The following XPR1 variants were observed in gnomAD, a reference collection of about 807,000 sequenced individuals.
XPR1 encodes the protein solute carrier family 53 member 1.
XPR1 carries 28 observed loss-of-function variants against 87.5 expected under a neutral mutation model. The observed-to-expected ratio is 0.32, with a 90% CI of 0.24 to 0.44. The LOEUF is 0.44. XPR1 is among the 20% of genes least tolerant of loss of function. XPR1 has a pLI of 1.00. For missense variants in XPR1, 559 were observed against 862.3 expected (o/e 0.65, Z 4.41); for synonymous variants, 300 against 306.1 (o/e 0.98, Z 0.21).
At chr1:180,799,570 G>A (rs1216753867) in intron 3 of XPR1, among the ~76,000 whole-genome samples, 3 of 152,202 alleles carry the variant, frequency 2.0e-5, no homozygotes, top group Admixed American at 6.5e-5. Context: ...AGTGGATAAA[G>A]CATTTCAGGA....
intron 1 of XPR1, among the ~76,000 whole-genome samples, chr1:180,638,668 A>C (rs1654864423): frequency 6.6e-6 from 1 of 152,084 alleles, no homozygotes; most frequent in South Asian, 2.1e-4. Flanking sequence ...ACCAAAACAC[A>C]CACACCCCAA....
intron 1 of XPR1, among the ~76,000 whole-genome samples, chr1:180,674,408 GC>G (rs1656294089): frequency 6.6e-6 from 1 of 151,768 alleles, no homozygotes; most frequent in African/African-American, 2.4e-5. Flanking sequence ...ACAGGCGCCT[GC>G]CCCCACGCCT....
At chr1:180,848,573 CTT>C (rs1372063045) in intron 11 of XPR1, among the ~76,000 whole-genome samples, 2 of 152,062 alleles carry the variant, frequency 1.3e-5, no homozygotes, top group African/African-American at 2.4e-5. Flanking sequence ...TGGTTGGACA[CTT>C]ATGTTGATTT....
chr1:180,761,428 A>G (rs1648026151), intron 2 of XPR1, among the ~76,000 whole-genome samples: 1 of 152,246 alleles, frequency 6.6e-6, no homozygotes, highest in South Asian at 2.1e-4. Context: ...TTACAAGAAA[A>G]AAACAACCAA....
At chr1:180,683,110 T>C (rs1656638210) in intron 2 of XPR1, among the ~76,000 whole-genome samples, 1 of 151,328 alleles carries the variant, frequency 6.6e-6, no homozygotes, top group Non-Finnish European at 1.5e-5. Context: ...CTCCTAATGC[T>C]ATCCCTCCCC....
intron 6 of XPR1, among the ~76,000 whole-genome samples, chr1:180,809,067 C>T (rs1263364196): frequency 6.6e-6 from 1 of 151,932 alleles, no homozygotes; most frequent in Non-Finnish European, 1.5e-5. Flanking sequence ...CAATGAAACA[C>T]TACTTAGCAA....
intron 1 of XPR1, among the ~76,000 whole-genome samples, chr1:180,676,920 G>A (rs892411385): frequency 1.3e-5 from 2 of 152,150 alleles, no homozygotes; most frequent in Admixed American, 6.5e-5. Flanking sequence ...TTAATCTGTG[G>A]TGTGGTGTTT....
At chr1:180,883,751 A>G (rs1357403357) in intron 14 of XPR1, among the ~76,000 whole-genome samples, 1 of 151,178 alleles carries the variant, frequency 6.6e-6, no homozygotes. Flanking sequence ...AACCCAGATC[A>G]CTACCTTCTG....
chr1:180,759,848 T>C (rs11577044), intron 2 of XPR1, among the ~76,000 whole-genome samples: 12,256 of 152,092 alleles, frequency 0.081, 691 homozygotes, highest in Middle Eastern at 0.15. Flanking sequence ...TCATGAACAT[T>C]GATGCAAAAA....
chr1:180,680,134 CTCA>C (rs1248177965), intron 1 of XPR1, among the ~76,000 whole-genome samples: 1 of 152,028 alleles, frequency 6.6e-6, no homozygotes, highest in Non-Finnish European at 1.5e-5. Context: ...CTTAACATCA[CTCA>C]TCATCAAAGA....
intron 6 of XPR1, among the ~76,000 whole-genome samples, chr1:180,807,982 G>A (rs1175618292): frequency 6.6e-6 from 1 of 152,128 alleles, no homozygotes; most frequent in Non-Finnish European, 1.5e-5. Flanking sequence ...GAGTGACAGA[G>A]CAAGACTCTG....
intron 11 of XPR1, among the ~76,000 whole-genome samples, chr1:180,847,464 AAT>A (rs1651721394): frequency 6.6e-6 from 1 of 152,174 alleles, no homozygotes; most frequent in Non-Finnish European, 1.5e-5. Flanking sequence ...GGACTAGGTT[AAT>A]TTAGCCACTT....
At chr1:180,748,022 T>C (rs1647333504) in intron 2 of XPR1, among the ~76,000 whole-genome samples, 1 of 152,250 alleles carries the variant, frequency 6.6e-6, no homozygotes, top group Non-Finnish European at 1.5e-5. Flanking sequence ...AATCATATTA[T>C]AAAAGTTTAC....
intron 1 of XPR1, among the ~76,000 whole-genome samples, chr1:180,664,475 C>G (rs568896794): frequency 6.6e-6 from 1 of 152,254 alleles, no homozygotes; most frequent in East Asian, 1.9e-4. Context: ...GTGACACTGC[C>G]CAGTGTCCTT....
chr1:180,812,608 C>G (rs1650258363), intron 7 of XPR1, among the ~76,000 whole-genome samples: 1 of 151,932 alleles, frequency 6.6e-6, no homozygotes, highest in African/African-American at 2.4e-5. Context: ...ATTTACTTCT[C>G]ACCACCTTGG....
At chr1:180,754,012 A>G (rs1043806030) in intron 2 of XPR1, among the ~76,000 whole-genome samples, 1 of 152,132 alleles carries the variant, frequency 6.6e-6, no homozygotes, top group East Asian at 1.9e-4. Flanking sequence ...TTCAACTCTC[A>G]GGTCAAATGC....
intron 2 of XPR1, among the ~76,000 whole-genome samples, chr1:180,785,242 T>C (rs1176932101): frequency 6.6e-6 from 1 of 151,872 alleles, no homozygotes; most frequent in Non-Finnish European, 1.5e-5. Context: ...CTCCACCTCC[T>C]CCCAGGTTCA....
intron 2 of XPR1, among the ~76,000 whole-genome samples, chr1:180,716,385 C>T (rs1429681851): frequency 6.6e-6 from 1 of 152,016 alleles, no homozygotes; most frequent in Non-Finnish European, 1.5e-5. Context: ...CACTGCATGG[C>T]CTCAGAATAT....
chr1:180,698,593 T>A (rs895817617), intron 2 of XPR1, among the ~76,000 whole-genome samples: 3 of 152,224 alleles, frequency 2.0e-5, no homozygotes, highest in African/African-American at 7.2e-5. Context: ...GTGTATCTGC[T>A]GTACCAGTGA....
Sources: allele counts gnomAD v4.1 joint callset (sites outside exome capture counted in the v4.1 genomes callset), GRCh38; gene constraint gnomAD v4.1.1; transcripts MANE v1.5; gene names NCBI Gene and HGNC (gene_info 2026-07-23, HGNC 2026-07-21).